The following TNS3 variants were observed in gnomAD, a reference collection of about 807,000 sequenced individuals.
TNS3 encodes the protein tensin 3, also known as tensin-3.
A neutral mutation model predicts 140.9 loss-of-function variants in TNS3; 45 were observed. The ratio of observed to expected loss-of-function variants is 0.32; its 90% CI spans 0.25 to 0.41. The LOEUF (loss-of-function observed/expected upper bound fraction) is 0.41, where lower values mean the gene tolerates loss of function less well. TNS3 is among the 10% of genes least tolerant of loss of function. The pLI is 1.00. For missense variants in TNS3, 1,716 were observed against 1,906.7 expected, an observed-to-expected ratio of 0.90 and a Z score of 1.86; for synonymous variants, 815 against 788.4, an observed-to-expected ratio of 1.03 and a Z score of -0.56.
chr7:47,347,828 A>AG (rs1789437486), intron 17 of TNS3, among the ~76,000 whole-genome samples: 1 of 152,198 alleles, frequency 6.6e-6, no homozygotes, highest in South Asian at 2.1e-4. Flanking sequence ...CACCAGCTGC[A>AG]GGACATCCTC....
intron 4 of TNS3, among the ~76,000 whole-genome samples, chr7:47,478,819 T>C (rs1797299962): frequency 6.6e-6 from 1 of 152,150 alleles, no homozygotes; most frequent in Non-Finnish European, 1.5e-5. Context: ...AACATGCATG[T>C]ATGTGTTCAT....
chr7:47,283,081 A>G (rs1025043206), intron 28 of TNS3, among the ~76,000 whole-genome samples: 1 of 152,154 alleles, frequency 6.6e-6, no homozygotes, highest in Non-Finnish European at 1.5e-5. Flanking sequence ...TTGCATCTGA[A>G]ATGCTCTGTT....
chr7:47,336,002 C>T (rs1788610445), intron 20 of TNS3, among the ~76,000 whole-genome samples: 1 of 152,120 alleles, frequency 6.6e-6, no homozygotes, highest in African/African-American at 2.4e-5. Flanking sequence ...AGAGATGCTT[C>T]GGACAGCAGT....
chr7:47,381,771 T>C (rs1476235717), intron 16 of TNS3, among the ~76,000 whole-genome samples: 1 of 152,228 alleles, frequency 6.6e-6, no homozygotes, highest in Non-Finnish European at 1.5e-5. Context: ...AATGCACTTA[T>C]TGTGCAAAAA....
intron 16 of TNS3, among the ~76,000 whole-genome samples, chr7:47,389,545 C>A (rs1792386126): frequency 6.6e-6 from 1 of 152,228 alleles, no homozygotes; most frequent in Non-Finnish European, 1.5e-5. Context: ...AAGTAACGAA[C>A]ACTTAATGAG....
At chr7:47,529,004 A>G in intron 2 of TNS3, 32 bp downstream of exon 2, 1 of 1,195,102 alleles carries the variant, frequency 8.4e-7, no homozygotes, top group Non-Finnish European at 1.1e-6. Flanking sequence ...GCTCTGGATT[A>G]ATCAGTGAGA....
intron 4 of TNS3, among the ~76,000 whole-genome samples, chr7:47,462,309 A>G (rs1189160843): frequency 6.6e-6 from 1 of 152,126 alleles, no homozygotes; most frequent in Non-Finnish European, 1.5e-5. Context: ...TTCCTGACAT[A>G]ATGCAACATG....
At chr7:47,474,167 CACACA>C (rs1797072756) in intron 4 of TNS3, among the ~76,000 whole-genome samples, 1 of 142,938 alleles carries the variant, frequency 7.0e-6, no homozygotes, top group African/African-American at 2.6e-5. Context: ...AAAAACCTCA[CACACA>C]ACACCTCACA....
intron 3 of TNS3, among the ~76,000 whole-genome samples, chr7:47,490,872 G>A (rs1207790979): frequency 6.6e-6 from 1 of 152,224 alleles, no homozygotes; most frequent in Admixed American, 6.5e-5. Flanking sequence ...GAAATAGTGT[G>A]CCCAGCAATG....
chr7:47,536,039 G>A (rs1162209227), intron 1 of TNS3, among the ~76,000 whole-genome samples: 2 of 152,200 alleles, frequency 1.3e-5, no homozygotes, highest in Non-Finnish European at 2.9e-5. Flanking sequence ...ATGTTAAACA[G>A]CCAGGAACAC....
At chr7:47,573,385 G>A (rs368881822) in intron 1 of TNS3, among the ~76,000 whole-genome samples, 1 of 152,210 alleles carries the variant, frequency 6.6e-6, no homozygotes, top group South Asian at 2.1e-4. Flanking sequence ...CCACCAGCCC[G>A]CTAGGTCGCT....
At chr7:47,484,014 A>T (rs1797522287) in intron 3 of TNS3, among the ~76,000 whole-genome samples, 1 of 152,260 alleles carries the variant, frequency 6.6e-6, no homozygotes, top group Non-Finnish European at 1.5e-5. Flanking sequence ...GCTGGGGAAC[A>T]GTAGGGGGCG....
intron 20 of TNS3, among the ~76,000 whole-genome samples, chr7:47,311,673 T>C (rs572513932): frequency 2.0e-5 from 3 of 152,010 alleles, no homozygotes; most frequent in Non-Finnish European, 4.4e-5. Context: ...ACATGAGAAA[T>C]GATTCTTAAA....
chr7:47,402,299 T>C (rs1342256389), intron 13 of TNS3, among the ~76,000 whole-genome samples: 1 of 152,232 alleles, frequency 6.6e-6, no homozygotes. Context: ...TGGGTCTCCC[T>C]TGTACGGCCT....
chr7:47,319,139 C>CGAG (rs1218404128), intron 20 of TNS3, among the ~76,000 whole-genome samples: 1 of 152,126 alleles, frequency 6.6e-6, no homozygotes, highest in Non-Finnish European at 1.5e-5. Flanking sequence ...CCATGTGCAC[C>CGAG]GCTATATAGG....
At chr7:47,472,184 A>G (rs1796982421) in intron 4 of TNS3, among the ~76,000 whole-genome samples, 1 of 152,214 alleles carries the variant, frequency 6.6e-6, no homozygotes, top group Admixed American at 6.5e-5. Context: ...CATGGAAATC[A>G]GGCCCAATCT....
intron 3 of TNS3, among the ~76,000 whole-genome samples, chr7:47,486,025 TG>T (rs938993932): frequency 9.2e-5 from 14 of 151,390 alleles, no homozygotes; most frequent in Non-Finnish European, 2.1e-4. Context: ...TGAGTGTGTG[TG>T]GGGGTGAGTG....
At chr7:47,321,884 G>A (rs1787755113) in intron 20 of TNS3, among the ~76,000 whole-genome samples, 1 of 152,058 alleles carries the variant, frequency 6.6e-6, no homozygotes, top group South Asian at 2.1e-4. Context: ...CAGCACTCAA[G>A]CCTCTCTCTA....
At chr7:47,502,546 G>A (rs970522100) in intron 3 of TNS3, among the ~76,000 whole-genome samples, 1 of 152,226 alleles carries the variant, frequency 6.6e-6, no homozygotes, top group East Asian at 1.9e-4. Flanking sequence ...GATCCCTGAT[G>A]GGAGAGCCCA....
Sources: allele counts gnomAD v4.1 joint callset (sites outside exome capture counted in the v4.1 genomes callset), GRCh38; gene constraint gnomAD v4.1.1; transcripts MANE v1.5; gene names NCBI Gene and HGNC (gene_info 2026-07-23, HGNC 2026-07-21).